PLEKHG1: variants seen among roughly 807,000 people sequenced by gnomAD.
PLEKHG1 encodes the protein pleckstrin homology and RhoGEF domain containing G1.
A neutral mutation model predicts 100.8 loss-of-function variants in PLEKHG1; 44 were observed. That is an observed-to-expected ratio of 0.44 (90% confidence interval 0.34 to 0.56). PLEKHG1 has a LOEUF of 0.56. Ranked by LOEUF, PLEKHG1 falls within the 20% of genes least tolerant of loss-of-function variation. The pLI is 0.01. For synonymous variants in PLEKHG1, 640 were observed against 662.5 expected (o/e 0.97, Z 0.52); for missense variants, 1,545 against 1,720.9 (o/e 0.90, Z 1.81).
intron 3 of PLEKHG1, among the ~76,000 whole-genome samples, chr6:150,679,364 G>T (rs1012890152): frequency 6.6e-6 from 1 of 152,154 alleles, no homozygotes; most frequent in African/African-American, 2.4e-5. Context: ...ATTTCTCAGG[G>T]CAGAGAAGAT....
At chr6:150,720,119 A>C (rs535744369), upstream of PLEKHG1, among the ~76,000 whole-genome samples, 41 of 152,358 alleles carry the variant, frequency 2.7e-4, no homozygotes, top group Middle Eastern at 6.8e-3. Flanking sequence ...GTTCAGTTTT[A>C]GATGTCTATG....
At chr6:150,786,663 A>G (rs1177206911) in intron 4 of PLEKHG1, among the ~76,000 whole-genome samples, 3 of 152,208 alleles carry the variant, frequency 2.0e-5, no homozygotes, top group Non-Finnish European at 2.9e-5. Context: ...GAACTTGTAC[A>G]GTAACTGAAT....
At chr6:150,650,520 A>T (rs1316956892) in intron 2 of PLEKHG1, among the ~76,000 whole-genome samples, 1 of 152,186 alleles carries the variant, frequency 6.6e-6, no homozygotes, top group Non-Finnish European at 1.5e-5. Context: ...TCATTTTTTA[A>T]TTAAATGTTT....
chr6:150,786,006 G>A (rs545755811), intron 3 of PLEKHG1, among the ~76,000 whole-genome samples: 4 of 152,062 alleles, frequency 2.6e-5, no homozygotes, highest in South Asian at 2.1e-4. Context: ...GGGGACCTCC[G>A]AGAGCCCATG....
intron 2 of PLEKHG1, among the ~76,000 whole-genome samples, chr6:150,640,485 CA>C (rs1335722801): frequency 6.6e-6 from 1 of 152,138 alleles, no homozygotes; most frequent in African/African-American, 2.4e-5. Context: ...CCTGTATTTT[CA>C]GGGATGCTTT....
At chr6:150,617,183 C>G (rs1777108422) in intron 1 of PLEKHG1, among the ~76,000 whole-genome samples, 1 of 152,210 alleles carries the variant, frequency 6.6e-6, no homozygotes, top group Admixed American at 6.5e-5. Flanking sequence ...AAAAAACACT[C>G]ATTTGGTGGT....
intron 15 of PLEKHG1, among the ~76,000 whole-genome samples, chr6:150,834,667 C>T (rs1429910823): frequency 1.3e-5 from 2 of 152,166 alleles, no homozygotes; most frequent in African/African-American, 4.8e-5. Flanking sequence ...GGTTGGCTCT[C>T]CTTTTTGTTT....
chr6:150,828,617 CAA>C (rs546053449), intron 14 of PLEKHG1, among the ~76,000 whole-genome samples: 8 of 134,806 alleles, frequency 5.9e-5, no homozygotes, highest in Admixed American at 7.5e-5. Context: ...ATTTGTATGG[CAA>C]AAAAAAAAAA....
chr6:150,752,294 T>C (rs970676609), intron 2 of PLEKHG1, among the ~76,000 whole-genome samples: 4 of 152,236 alleles, frequency 2.6e-5, no homozygotes. Flanking sequence ...AAGACATACA[T>C]AACTTAAAAC....
intron 1 of PLEKHG1, among the ~76,000 whole-genome samples, chr6:150,609,114 C>A (rs1396489170): frequency 6.6e-6 from 1 of 152,124 alleles, no homozygotes; most frequent in Admixed American, 6.5e-5. Flanking sequence ...GCAAAGGGAA[C>A]ACATTTTTGC....
At chr6:150,737,293 T>G (rs1333011652) in intron 2 of PLEKHG1, among the ~76,000 whole-genome samples, 1 of 150,322 alleles carries the variant, frequency 6.7e-6, no homozygotes, top group East Asian at 1.9e-4. Flanking sequence ...TTTTTTTTTT[T>G]TTTTTTTTTG....
At chr6:150,734,477 A>G (rs1344871249) in intron 2 of PLEKHG1, among the ~76,000 whole-genome samples, 1 of 152,188 alleles carries the variant, frequency 6.6e-6, no homozygotes, top group Non-Finnish European at 1.5e-5. Flanking sequence ...CCTTACCTTA[A>G]TCACCACTCG....
intron 1 of PLEKHG1, among the ~76,000 whole-genome samples, chr6:150,634,586 TAAAC>T (rs1307765551): frequency 1.2e-4 from 19 of 152,310 alleles, no homozygotes; most frequent in African/African-American, 4.6e-4. Context: ...TGAATAAAAA[TAAAC>T]ATCTAAAATA....
At chr6:150,836,524 A>G (rs757052610) in intron 15 of PLEKHG1, among the ~76,000 whole-genome samples, 4 of 152,330 alleles carry the variant, frequency 2.6e-5, no homozygotes, top group Non-Finnish European at 4.4e-5. Flanking sequence ...CTCCCAGACC[A>G]AAAGCTCAGA....
chr6:150,647,030 GA>G (rs1778530692), intron 2 of PLEKHG1, among the ~76,000 whole-genome samples: 1 of 152,128 alleles, frequency 6.6e-6, no homozygotes, highest in African/African-American at 2.4e-5. Flanking sequence ...TTTTACTCAA[GA>G]AACAACATAT....
At chr6:150,613,391 CT>C (rs529592245) in intron 1 of PLEKHG1, among the ~76,000 whole-genome samples, 1 of 148,272 alleles carries the variant, frequency 6.7e-6, no homozygotes, top group Non-Finnish European at 1.5e-5. Flanking sequence ...AAAACAGAGA[CT>C]TTGTGTGGCT....
At chr6:150,750,500 T>C (rs372854781) in intron 2 of PLEKHG1, among the ~76,000 whole-genome samples, 107 of 152,042 alleles carry the variant, frequency 7.0e-4, no homozygotes, top group African/African-American at 2.4e-3. Flanking sequence ...AAACAAACTT[T>C]TAAAGGCGGC....
At chr6:150,779,652 G>A (rs1488607023) in intron 3 of PLEKHG1, among the ~76,000 whole-genome samples, 1 of 148,444 alleles carries the variant, frequency 6.7e-6, no homozygotes, top group Non-Finnish European at 1.5e-5. Flanking sequence ...GGCCTGCCAA[G>A]AAGTGTTTCT....
intron 3 of PLEKHG1, among the ~76,000 whole-genome samples, chr6:150,701,455 ATATATATATAT>A (rs1780779944): frequency 8.3e-5 from 7 of 84,702 alleles, no homozygotes; most frequent in Admixed American, 4.1e-4. Context: ...ATATATATAT[ATATATATATAT>A]AATTATACTT....
Sources: gnomAD v4.1 joint callset for allele counts (sites outside exome capture counted in the v4.1 genomes callset) on GRCh38, gnomAD v4.1.1 for gene constraint, MANE v1.5 for transcripts, NCBI Gene and HGNC (gene_info 2026-07-23, HGNC 2026-07-21) for gene names.